The following MACF1 variants were observed in gnomAD, a reference collection of about 807,000 sequenced individuals.
MACF1 encodes microtubule-actin cross-linking factor 1.
In MACF1, 193 loss-of-function variants were observed where a neutral mutation model predicts 854.8. The observed-to-expected ratio is 0.23, with a 90% confidence interval of 0.20 to 0.25. The LOEUF is 0.25. Ranked by LOEUF, MACF1 falls within the 10% of genes least tolerant of loss-of-function variation. The pLI is 1.00. For synonymous variants in MACF1, 3,185 were observed against 3,226.7 expected (o/e 0.99, Z 0.44); for missense variants, 7,722 against 8,929.1 (o/e 0.86, Z 5.45).
At chr1:39,109,187 G>T (rs1441873933) in intron 2 of MACF1, among the ~76,000 whole-genome samples, 11 of 152,120 alleles carry the variant, frequency 7.2e-5, no homozygotes. Context: ...GTTAAAATAG[G>T]GATGATAATA....
chr1:39,371,792 C>T (rs894908737), intron 51 of MACF1, among the ~76,000 whole-genome samples: 1 of 150,462 alleles, frequency 6.6e-6, no homozygotes, highest in African/African-American at 2.4e-5. Context: ...TCTTGTCCAT[C>T]TGGCAAACTC....
At chr1:39,118,231 C>A (rs1642596135) in intron 2 of MACF1, among the ~76,000 whole-genome samples, 1 of 152,242 alleles carries the variant, frequency 6.6e-6, no homozygotes, top group South Asian at 2.1e-4. Flanking sequence ...GCACCACAGA[C>A]AGAGCAGCAG....
chr1:39,422,007 G>A lies in MACF1; in HGVS notation c.15817-367G>A, dbSNP rs1363640023. ...GGAGAATGGCATGAACCCGAGAGGC[G>A]GAGCTTGCAGTGAGCCGAGATCACG... On this transcript the variant is annotated intron_variant, in intron 58 of 100. Coordinates refer to ENST00000564288, the MANE Select transcript of MACF1 (RefSeq NM_001394062.1). Among the ~76,000 whole-genome samples, 6 of 151,918 alleles carry A rather than the reference G, an allele frequency of 3.9e-5. No individual in the cohort carries two copies. In the South Asian group the frequency reaches 6.2e-4, roughly 16 times the overall value.
intron 97 of MACF1, among the ~76,000 whole-genome samples, chr1:39,479,015 C>T (rs149651088): frequency 1.4e-4 from 21 of 152,156 alleles, no homozygotes; most frequent in South Asian, 6.2e-4. Flanking sequence ...GTTGGCTGTG[C>T]GTGAGATCTT....
At chr1:39,328,959 T>C (rs963453964) in intron 36 of MACF1, among the ~76,000 whole-genome samples, 1 of 152,220 alleles carries the variant, frequency 6.6e-6, no homozygotes, top group African/African-American at 2.4e-5. Flanking sequence ...ACAAAAGAAA[T>C]GAAAAGTTCT....
At chr1:39,219,140 C>T (rs922876848) in intron 1 of MACF1, among the ~76,000 whole-genome samples, 4 of 152,214 alleles carry the variant, frequency 2.6e-5, no homozygotes, top group Non-Finnish European at 5.9e-5. Context: ...TTCCTTAAAA[C>T]CCCAAATCTC....
At chr1:39,097,820 C>A (rs1208261499) in intron 2 of MACF1, among the ~76,000 whole-genome samples, 1 of 152,190 alleles carries the variant, frequency 6.6e-6, no homozygotes, top group Non-Finnish European at 1.5e-5. Context: ...TCACGTGACT[C>A]TGATCTCAAC....
At chr1:39,389,403 A>G (rs906450337) in intron 58 of MACF1, among the ~76,000 whole-genome samples, 16 of 116,556 alleles carry the variant, frequency 1.4e-4, no homozygotes, top group African/African-American at 4.7e-4. Context: ...TCTGTAGCCC[A>G]GGTTGGAGTG....
intron 16 of MACF1, 22 bp downstream of exon 16, chr1:39,292,060 C>CA: frequency 6.2e-7 from 1 of 1,612,440 alleles, no homozygotes; most frequent in Non-Finnish European, 8.5e-7. Context: ...TCAGAATCCA[C>CA]ATTACAGGAG....
intron 6 of MACF1, among the ~76,000 whole-genome samples, chr1:39,280,264 A>G (rs1372330380): frequency 6.6e-6 from 1 of 152,118 alleles, no homozygotes; most frequent in South Asian, 2.1e-4. Context: ...TTCATAAACC[A>G]AGTTATTATT....
At chr1:39,232,757 T>TG (rs1191757850) in intron 2 of MACF1, among the ~76,000 whole-genome samples, 26 of 149,666 alleles carry the variant, frequency 1.7e-4, no homozygotes, top group African/African-American at 5.4e-4. Flanking sequence ...TTTTTTTTTT[T>TG]TTTTTTTTTT....
At chr1:39,445,676 A>G (rs563358139) in intron 80 of MACF1, among the ~76,000 whole-genome samples, 33 of 152,230 alleles carry the variant, frequency 2.2e-4, no homozygotes, top group Non-Finnish European at 4.4e-4. Flanking sequence ...ATTCTTGGAC[A>G]GAGTCAGACC....
rs992448787 is a variant in MACF1 at position 39,184,177 on chromosome 1, A to G, written c.221-47005A>G. On this transcript the variant is annotated intron_variant, in intron 2 of 93. Transcript: ENST00000361689. ...GCCCTCAGAGCATATGGTTGAGTCT[A>G]TGCATGTCTTGGGTATACTGTGTTT... 2.6e-5 allele frequency among the ~76,000 whole-genome samples: 4 copies of G among 152,246 alleles called. No individual in the cohort carries two copies. The East Asian group carries it at 5.8e-4, about 22-fold the overall frequency.
At chr1:39,303,697 CAA>C (rs35773116) in intron 23 of MACF1, among the ~76,000 whole-genome samples, 147 of 104,296 alleles carry the variant, frequency 1.4e-3, no homozygotes, top group African/African-American at 3.8e-3. Context: ...ACTAAAAATA[CAA>C]AAAAAAAAAA....
chr1:39,175,614 T>G (rs1644012230), intron 2 of MACF1, among the ~76,000 whole-genome samples: 1 of 152,186 alleles, frequency 6.6e-6, no homozygotes. Flanking sequence ...TTGTATTTTA[T>G]CCTTCTTTTC....
chr1:39,361,249 C>T (rs1207874790), intron 48 of MACF1, 111 bp from the exon 49 acceptor site: 5 of 1,057,316 alleles, frequency 4.7e-6, no homozygotes, highest in African/African-American at 1.6e-5. Flanking sequence ...TCTGGAGGCT[C>T]GGTTGCAGTC....
intron 2 of MACF1, chr1:39,102,856 C>T: frequency 1.4e-6 from 1 of 702,564 alleles, no homozygotes; most frequent in South Asian, 1.5e-5. Flanking sequence ...TAAATTTAGA[C>T]TGTTGCTTGA....
In MACF1 at chr1:39,293,330, A is replaced by T; in HGVS notation, c.1993-128A>T. 4 of 875,828 alleles carry T rather than the reference A, an allele frequency of 4.6e-6. No individual in the cohort carries two copies. In the South Asian group the frequency reaches 5.7e-5, roughly 12 times the overall value. The allele number at this position is 875,828 out of a possible 1,614,324, so 54.3% of individuals were successfully genotyped here. ...TCAAACTTGTACAAAACTTGAATCC[A>T]TGGGGAAAAATCCAGAGATTAAGAG... On this transcript the variant is annotated intron_variant, in intron 17 of 100. Transcript: ENST00000564288.
At chr1:39,086,344 G>A (rs1420515921) in intron 2 of MACF1, among the ~76,000 whole-genome samples, 1 of 152,198 alleles carries the variant, frequency 6.6e-6, no homozygotes, top group Non-Finnish European at 1.5e-5. Flanking sequence ...GACAACAGTG[G>A]GGCCTGGAAG....
Sources: gnomAD v4.1 joint callset for allele counts (sites outside exome capture counted in the v4.1 genomes callset) on GRCh38, gnomAD v4.1.1 for gene constraint, MANE v1.5 for transcripts, NCBI Gene and HGNC (gene_info 2026-07-23, HGNC 2026-07-21) for gene names.